ETNK1: variants seen among roughly 807,000 people sequenced by gnomAD.
ETNK1 encodes ethanolamine kinase 1, also known as putative protein product of Nbla10396.
Under a neutral mutation model 45.1 loss-of-function variants are expected in ETNK1, and 8 were observed. That is an observed-to-expected ratio of 0.18 (90% CI 0.10 to 0.32). ETNK1 has a LOEUF of 0.32. ETNK1 is among the 10% of genes least tolerant of loss of function. ETNK1 has a pLI of 1.00. For missense variants in ETNK1, 302 were observed against 430.6 expected (o/e 0.70, Z 2.64); for synonymous variants, 152 against 151.9 (o/e 1.00, Z -0.01).
At chr12:22,652,092 A>G (rs78029562) in intron 2 of ETNK1, among the ~76,000 whole-genome samples, 176 of 152,260 alleles carry the variant, frequency 1.2e-3, no homozygotes, top group African/African-American at 3.9e-3. Context: ...ACATCATGTT[A>G]GTGGAATCAT....
intron 6 of ETNK1, among the ~76,000 whole-genome samples, chr12:22,681,148 T>C (rs1311504867): frequency 6.6e-6 from 1 of 152,086 alleles, no homozygotes; most frequent in African/African-American, 2.4e-5. Context: ...CCTTTGTTTC[T>C]CATCCATTTA....
chr12:22,644,093 A>T, intron 2 of ETNK1, 71 bp downstream of exon 2: 1 of 1,499,556 alleles, frequency 6.7e-7, no homozygotes, highest in Non-Finnish European at 8.9e-7. Flanking sequence ...AATATTTTTT[A>T]AAATTGTCTT....
chr12:22,679,971 T>G (rs1351441973), intron 6 of ETNK1, among the ~76,000 whole-genome samples: 1 of 152,094 alleles, frequency 6.6e-6, no homozygotes, highest in Non-Finnish European at 1.5e-5. Flanking sequence ...GGATTACAGG[T>G]GTGAGCCACC....
intron 2 of ETNK1, among the ~76,000 whole-genome samples, chr12:22,648,612 T>C (rs537425439): frequency 6.6e-6 from 1 of 152,170 alleles, no homozygotes; most frequent in African/African-American, 2.4e-5. Flanking sequence ...ATTTTGTTCA[T>C]TCAACTACTG....
chr12:22,672,152 A>G (rs1358276112), intron 5 of ETNK1, among the ~76,000 whole-genome samples: 1 of 152,044 alleles, frequency 6.6e-6, no homozygotes, highest in Non-Finnish European at 1.5e-5. Flanking sequence ...GACTTTGTCT[A>G]TGAATATTGA....
chr12:22,625,265 T>G lies in ETNK1; in HGVS notation c.-166T>G. The G allele has an allele frequency of 1.9e-6, 3 of 1,610,260 alleles. No individual in the cohort carries two copies. The highest frequency in any genetic ancestry group is 2.5e-6 in the Non-Finnish European group (3 of 1,179,088). On this transcript the variant is annotated 5_prime_UTR_variant, in exon 1 of 8. Transcript: ENST00000266517. The stretch of plus-strand genomic sequence containing the variant: ...CTGTCCAGACCCGGATCGGCAACAG[T>G]GCCGCCTCCAGACGTTCTCCTGCCG...
At chr12:22,654,670 A>G (rs1953917275) in intron 2 of ETNK1, among the ~76,000 whole-genome samples, 1 of 152,150 alleles carries the variant, frequency 6.6e-6, no homozygotes, top group South Asian at 2.1e-4. Context: ...CCCTTGAAGG[A>G]TATCTTAGTG....
At position 22,685,808 on chromosome 12, in the gene ETNK1, T is replaced by A. The variant is rs1448635894; in HGVS notation, c.*854T>A. 6.6e-6 allele frequency: 1 copy of A among 151,906 alleles called. No homozygotes were observed. Among genetic ancestry groups the A allele is most frequent in the Non-Finnish European group, 1.5e-5 (1 of 67,792 alleles). The allele number at this position is 151,906 out of a possible 1,614,324, so 9.4% of individuals were successfully genotyped here. A position where few individuals can be genotyped will look rare whatever the true frequency, so the allele number is the denominator to read the frequency against. On this transcript the variant is annotated 3_prime_UTR_variant, in exon 8 of 8. Transcript: ENST00000266517. ...TACTTCTAGAGATGCTTTATGTTTT[T>A]GATTATTAAATAGTCACTAGTATTG...
intron 6 of ETNK1, among the ~76,000 whole-genome samples, chr12:22,675,415 G>A (rs1021595216): frequency 6.6e-6 from 1 of 151,692 alleles, no homozygotes; most frequent in African/African-American, 2.4e-5. Flanking sequence ...GAATGCAGTG[G>A]TACGATCATA....
intron 6 of ETNK1, among the ~76,000 whole-genome samples, chr12:22,679,397 G>C (rs1303578058): frequency 6.6e-6 from 1 of 152,132 alleles, no homozygotes; most frequent in Non-Finnish European, 1.5e-5. Context: ...ACCTTCTTCT[G>C]CCTGCTTTGT....
chr12:22,684,900 T>G lies in ETNK1; in HGVS notation c.1038T>G (p.Phe346Leu). ...TCACTAGGTATGCAATTGTTCGTTT[T>G]AACCAGTACTTTAAAATGAAGCCTG... ...FDFLGYAIVR[F>L]NQYFKMKPEV... Residue 346 changes from phenylalanine to leucine, a missense_variant, in exon 8 of 8, where the codon TTT becomes TTG. Around this residue, in one of 3 missense-constraint regions of ETNK1, gnomAD observed 94 missense variants for 152.9 expected, o/e 0.61. Transcript: ENST00000266517. 2 of 1,606,308 alleles carry G rather than the reference T, an allele frequency of 1.2e-6. No homozygotes were observed. The highest frequency in any genetic ancestry group is 8.5e-7 in the Non-Finnish European group (1 of 1,177,380).
At chr12:22,647,627 TA>T (rs1217810141) in intron 2 of ETNK1, among the ~76,000 whole-genome samples, 1 of 151,976 alleles carries the variant, frequency 6.6e-6, no homozygotes, top group Non-Finnish European at 1.5e-5. Context: ...TAACTGTGGC[TA>T]CAATTAGGCA....
chr12:22,656,287 C>A, intron 2 of ETNK1: 2 of 380,776 alleles, frequency 5.3e-6, no homozygotes, highest in Non-Finnish European at 7.2e-6. Context: ...GACCATATTG[C>A]AGCATGATTC....
Position 22,625,185 on chromosome 12 carries a change from T to A in ETNK1, c.-246T>A. ...CGGCATGCTCTGCGGCCGCCCGCGG[T>A]CCAGCTCCGACAACAGGAATTTTCT... On this transcript the variant is annotated 5_prime_UTR_variant, in exon 1 of 8. Transcript: ENST00000266517. The A allele has an allele frequency of 6.2e-7, 1 of 1,606,692 alleles. No homozygotes were observed. The highest frequency in any genetic ancestry group is 8.5e-7 in the Non-Finnish European group (1 of 1,176,676).
At chr12:22,633,488 G>A (rs1315296051) in intron 1 of ETNK1, among the ~76,000 whole-genome samples, 1 of 152,172 alleles carries the variant, frequency 6.6e-6, no homozygotes, top group Non-Finnish European at 1.5e-5. Flanking sequence ...TTTGGTGTAG[G>A]ACTCCAGCTT....
Position 22,643,798 on chromosome 12 carries a change from CT to C in ETNK1, c.193del (p.Cys65ValfsTer10). On this transcript the variant is annotated frameshift_variant, in exon 2 of 8. Coordinates refer to ENST00000266517, the MANE Select transcript of ETNK1 (RefSeq NM_018638.5). LOFTEE classifies it high-confidence loss of function. ...TDGITNKLIG[C>X]YVGNTMEDVV... is the part of the protein sequence containing the mutation. ...ATGGAATCACAAATAAACTTATTGG[CT>C]GTTACGTGGGAAACACCATGGAGGA... 1.2e-6 allele frequency: 2 copies of C among 1,612,476 alleles called. No individual in the cohort carries two copies. The highest frequency in any genetic ancestry group is 1.7e-6 in the Non-Finnish European group (2 of 1,179,030).
intron 6 of ETNK1, 62 bp downstream of exon 6, chr12:22,673,722 T>C: frequency 6.9e-7 from 1 of 1,452,930 alleles, no homozygotes. Flanking sequence ...GCTTCTAAAT[T>C]TTCGTCATCT....
chr12:22,641,984 T>G (rs1054009214), intron 1 of ETNK1, among the ~76,000 whole-genome samples: 1 of 152,156 alleles, frequency 6.6e-6, no homozygotes, highest in Non-Finnish European at 1.5e-5. Flanking sequence ...TTTGTACAAA[T>G]AAATGTATAA....
chr12:22,627,894 A>T (rs1953525757), intron 1 of ETNK1, among the ~76,000 whole-genome samples: 1 of 152,026 alleles, frequency 6.6e-6, no homozygotes, highest in African/African-American at 2.4e-5. Context: ...AAATAAAAAG[A>T]AAAAAACAAG....
Sources: gnomAD v4.1 joint callset for allele counts (sites outside exome capture counted in the v4.1 genomes callset) on GRCh38, gnomAD v4.1.1 for gene constraint, gnomAD v4.1.1 regional missense constraint, MANE v1.5 for transcripts, NCBI Gene and HGNC (gene_info 2026-07-23, HGNC 2026-07-21) for gene names.